The following DDX56 variants were observed in gnomAD, a reference collection of about 807,000 sequenced individuals.
DDX56 encodes the protein probable ATP-dependent RNA helicase DDX56.
A neutral mutation model predicts 61.5 loss-of-function variants in DDX56; 45 were observed. That is an observed-to-expected ratio of 0.73 (90% confidence interval 0.58 to 0.94). The LOEUF (loss-of-function observed/expected upper bound fraction) is 0.94, where lower values mean the gene tolerates loss of function less well. Among genes scored for constraint, DDX56 ranks in the 40% least tolerant of loss-of-function variants. The pLI, the probability that DDX56 is intolerant of heterozygous loss-of-function variation, is 0.00. For missense variants in DDX56, 708 were observed against 690.7 expected, an observed-to-expected ratio of 1.02 and a Z score of -0.28; for synonymous variants, 273 against 268.3, an observed-to-expected ratio of 1.02 and a Z score of -0.17.
At position 44,571,731 on chromosome 7, in the gene DDX56, G is replaced by A. The variant is rs1477253595; in HGVS notation, c.651C>T (p.Thr217=). Residue 217 remains threonine, a synonymous_variant, in exon 6 of 14, where the codon ACC becomes ACT. Coordinates refer to ENST00000258772, the MANE Select transcript of DDX56 (RefSeq NM_019082.4). ...GCAGCTGGGACTCCTGTAACTTAAG[G>A]GTAACCTGGGGGAGAAAACAGGCCT... ...LKELILHNPV[T]LKLQESQLPG... 4 of 1,613,578 alleles carry A rather than the reference G, an allele frequency of 2.5e-6. No homozygotes were observed. Among genetic ancestry groups the A allele is most frequent in the South Asian group, 1.1e-5 (1 of 91,068 alleles).
chr7:44,570,726 G>T lies in DDX56; in HGVS notation c.1010+32C>A, dbSNP rs780872181. The T allele has an allele frequency of 1.3e-5, 21 of 1,582,156 alleles. No homozygotes were observed. The Admixed American group carries it at 1.6e-4, about 12-fold the overall frequency. On this transcript the variant is annotated intron_variant, in intron 7 of 13. Transcript: ENST00000258772. Reference sequence around the variant, plus strand: ...AAAAGCTAAAAACACAGGCATTTCTGGGGAGGGATGGAAAAAGAGGCATGG... The same window carrying T: ...AAAAGCTAAAAACACAGGCATTTCTTGGGAGGGATGGAAAAAGAGGCATGG...
chr7:44,566,131 C>CCGGGGGGGGGGGGGGGGGGG, intron 13 of DDX56, 52 bp from the exon 14 acceptor site: 1 of 1,051,734 alleles, frequency 9.5e-7, no homozygotes, highest in Admixed American at 2.2e-5. Context: ...GACAGACAAT[C>CCGGGGGGGGGGGGGGGGGGG]CACCCACCCA....
Position 44,569,876 on chromosome 7 carries a change from T to C in DDX56, c.1152A>G (p.Ile384Met). The C allele has an allele frequency of 6.2e-7, 1 of 1,611,412 alleles. No individual in the cohort carries two copies. The highest frequency in any genetic ancestry group is 1.6e-4 in the Middle Eastern group (1 of 6,062). The change falls in exon 9 of 14, where the codon ATA becomes ATG. Residue 384 changes from isoleucine (I) to methionine (M), a missense_variant. Ile to Met is a conservative substitution (Grantham distance 10, BLOSUM62 1). Transcript: ENST00000258772. ...CCGTGGGAAGCACAAAGGTTAAGACTATGCCTGGGTTGTTAGCGCGTGCTG... is the reference window on the plus strand; with the variant it reads ...CCGTGGGAAGCACAAAGGTTAAGACCATGCCTGGGTTGTTAGCGCGTGCTG... ...GRTARANNPGIVLTFVLPTEQ... is the reference protein window; with the variant it reads ...GRTARANNPGMVLTFVLPTEQ...
At position 44,572,488 on chromosome 7, in the gene DDX56, A is replaced by C. The variant is rs570563012; in HGVS notation, c.555-51T>G. The C allele has an allele frequency of 9.4e-5, 152 of 1,613,006 alleles. 2 individuals carry two copies. In the South Asian group the frequency reaches 1.4e-3, roughly 15 times the overall value. Reference sequence around the variant, plus strand: ...TCCAGCTCCAAGGGCCGCTAATTGTAGTAACTGGCTTCCAGCCACCCCGCT... The same window carrying C: ...TCCAGCTCCAAGGGCCGCTAATTGTCGTAACTGGCTTCCAGCCACCCCGCT... On this transcript the variant is annotated intron_variant, in intron 4 of 13. Coordinates refer to ENST00000258772, the MANE Select transcript of DDX56 (RefSeq NM_019082.4).
chr7:44,573,161 AC>A, intron 2 of DDX56, 111 bp from the exon 3 acceptor site: 1 of 940,114 alleles, frequency 1.1e-6, no homozygotes, highest in Non-Finnish European at 1.6e-6. Flanking sequence ...ACTTAGCAGT[AC>A]TTTGATCATC....
At chr7:44,568,087 G>A in intron 12 of DDX56, 31 bp downstream of exon 12, 1 of 1,547,450 alleles carries the variant, frequency 6.5e-7, no homozygotes, top group Non-Finnish European at 8.9e-7. Flanking sequence ...TCCCCAGCCT[G>A]CTGCCTCCTG....
At chr7:44,573,788 G>A (rs765774703) in intron 1 of DDX56, 44 bp from the exon 2 acceptor site, 1 of 1,613,392 alleles carries the variant, frequency 6.2e-7, no homozygotes, top group Admixed American at 1.7e-5. Context: ...AAGAGCGATG[G>A]CGCGCCCCGC....
chr7:44,566,357 C>T (rs1347131069), intron 13 of DDX56, 91 bp downstream of exon 13: 10 of 1,237,796 alleles, frequency 8.1e-6, no homozygotes, highest in South Asian at 6.5e-5. Context: ...CTCTTCCCCT[C>T]CCTAGGGCAA....
Position 44,568,959 on chromosome 7 carries a change from G to T in DDX56, c.1327C>A (p.Arg443=). 6.2e-7 allele frequency: 1 copy of T among 1,614,006 alleles called. No individual in the cohort carries two copies. The highest frequency in any genetic ancestry group is 1.3e-5 in the African/African-American group (1 of 75,018). ...TTGATCTCCTTCAATCTTGCCTCCCGAATGGCCTGCTTAGTCACTGAGCGC... is the reference window on the plus strand; with the variant it reads ...TTGATCTCCTTCAATCTTGCCTCCCTAATGGCCTGCTTAGTCACTGAGCGC... ...AMRSVTKQAI[R]EARLKEIKEE... The change falls in exon 11 of 14, where the codon CGG becomes AGG. Residue 443 remains arginine (R), a synonymous_variant. Transcript: ENST00000258772.
Position 44,570,891 on chromosome 7 carries a change from C to G in DDX56, c.891-14G>C, listed in dbSNP as rs217376. 6.2e-7 allele frequency: 1 copy of G among 1,607,530 alleles called. No individual in the cohort carries two copies. Among genetic ancestry groups the G allele is most frequent in the Non-Finnish European group, 8.5e-7 (1 of 1,174,894 alleles). Reference sequence around the variant, plus strand: ...ATGATGTGGCACCTGCAGCCAAGAGCGGACAGAGAATCAGCTCAGCAGAGC... The same window carrying G: ...ATGATGTGGCACCTGCAGCCAAGAGGGGACAGAGAATCAGCTCAGCAGAGC... On this transcript the variant is annotated splice_polypyrimidine_tract_variant and intron_variant, in intron 6 of 13. Coordinates refer to ENST00000258772, the MANE Select transcript of DDX56 (RefSeq NM_019082.4).
intron 5 of DDX56, among the ~76,000 whole-genome samples, chr7:44,572,131 G>A (rs1802690874): frequency 6.6e-6 from 1 of 152,160 alleles, no homozygotes; most frequent in South Asian, 2.1e-4. Flanking sequence ...CAGGATTTTA[G>A]GCAAAGCATG....
chr7:44,573,016 A>G lies in DDX56; in HGVS notation c.257T>C (p.Leu86Pro), dbSNP rs1460103249. 1 of 1,605,758 alleles carries G rather than the reference A, an allele frequency of 6.2e-7. No individual in the cohort carries two copies. The highest frequency in any genetic ancestry group is 1.1e-5 in the South Asian group (1 of 89,916). Residue 86 changes from leucine to proline, a missense_variant, in exon 3 of 14, where the codon CTT (leucine) becomes CCT (proline). Transcript: ENST00000258772. Reference protein sequence around the residue: ...GPVVEQAVRGLVLVPTKELAR... With the variant: ...GPVVEQAVRGPVLVPTKELAR... ...CAGCTCCTTGGTAGGAACAAGAACA[A>G]GGCCTCTCACTGCCTGTTCTACCAC... is the stretch of plus-strand genomic sequence containing the variant.
At position 44,571,786 on chromosome 7, in the gene DDX56, G is replaced by C. The variant is rs187799703; in HGVS notation, c.646-50C>G. On this transcript the variant is annotated intron_variant, in intron 5 of 13. Coordinates refer to ENST00000258772, the MANE Select transcript of DDX56 (RefSeq NM_019082.4). The stretch of plus-strand genomic sequence containing the variant: ...TCAGAAAGGAAAAGAACACAGAGAT[G>C]TATGGCCACTTACTCACCAACCAAA... 427 of 1,603,514 alleles carry C rather than the reference G, an allele frequency of 2.7e-4. 4 individuals carry two copies. In the African/African-American group the frequency reaches 5.0e-3, roughly 19 times the overall value.
rs1349687729 is a variant in DDX56, at chr7:44,572,331, C to A, written c.645+16G>T. The A allele has an allele frequency of 1.9e-6, 3 of 1,608,998 alleles. No individual in the cohort carries two copies. The highest frequency in any genetic ancestry group is 2.6e-6 in the Non-Finnish European group (3 of 1,175,824). On this transcript the variant is annotated intron_variant, in intron 5 of 13. Transcript: ENST00000258772. ...CCCATGTCTGCAGCTCCAGACACTTCCATGGTGCCTCTTACCGGGTTATGT... is the reference window on the plus strand; with the variant it reads ...CCCATGTCTGCAGCTCCAGACACTTACATGGTGCCTCTTACCGGGTTATGT...
intron 7 of DDX56, among the ~76,000 whole-genome samples, 182 bp downstream of exon 7, chr7:44,570,575 AC>A (rs1802645487): frequency 6.6e-6 from 1 of 152,166 alleles, no homozygotes; most frequent in South Asian, 2.1e-4. Context: ...TGCAGTGTGC[AC>A]CATCCACTCC....
intron 13 of DDX56, 124 bp from the exon 14 acceptor site, chr7:44,566,203 G>A (rs1248931866): frequency 4.8e-6 from 3 of 630,846 alleles, no homozygotes; most frequent in African/African-American, 4.2e-5. Context: ...ACGACCAGAA[G>A]GTGCTGCAGA....
chr7:44,566,133 A>AGG, intron 13 of DDX56, 54 bp from the exon 14 acceptor site: 1 of 743,090 alleles, frequency 1.3e-6, no homozygotes, highest in Non-Finnish European at 2.0e-6. Context: ...CAGACAATCC[A>AGG]CCCACCCACC....
Position 44,568,886 on chromosome 7 carries a change from A to G in DDX56, c.1383+17T>C. 4 of 1,599,096 alleles carry G rather than the reference A, an allele frequency of 2.5e-6. No homozygotes were observed. Among genetic ancestry groups the G allele is most frequent in the Middle Eastern group, 1.7e-4 (1 of 6,036 alleles). On this transcript the variant is annotated intron_variant, in intron 11 of 13. Transcript: ENST00000258772. ...GCCGTCTAAGATCTATCCCCTTCTC[A>G]CCTCCCATCCACTCACCTTAAGCTT...
chr7:44,568,125 G>C lies in DDX56; in HGVS notation c.1482C>G (p.Asp494Glu), dbSNP rs1461186999. The C allele has an allele frequency of 2.5e-6, 4 of 1,613,548 alleles. No homozygotes were observed. In the East Asian group the frequency reaches 8.9e-5, roughly 36 times the overall value. The change falls in exon 12 of 14, where the codon GAC becomes GAG. Residue 494 changes from aspartate (D) to glutamate (E), a missense_variant. Coordinates refer to ENST00000258772, the MANE Select transcript of DDX56 (RefSeq NM_019082.4). The part of the protein sequence containing the change: ...VVKPHLGHVP[D>E]YLVPPALRGL... ...CTGTCAGGCCACACTCACCCAGGTA[G>C]TCAGGAACATGGCCCAGGTGGGGCT...
Sources: allele counts gnomAD v4.1 joint callset (sites outside exome capture counted in the v4.1 genomes callset), GRCh38; gene constraint gnomAD v4.1.1; transcripts MANE v1.5; gene names NCBI Gene and HGNC (gene_info 2026-07-23, HGNC 2026-07-21).